The following DNPEP variants were observed in gnomAD, a reference collection of about 807,000 sequenced individuals.
DNPEP encodes the protein aspartyl aminopeptidase.
DNPEP carries 46 observed loss-of-function variants against 59.1 expected under a neutral mutation model. The observed-to-expected ratio is 0.78, with a 90% CI of 0.61 to 0.99. The LOEUF is 0.99. Ranked by LOEUF, DNPEP falls within the 50% of genes least tolerant of loss-of-function variation. DNPEP has a pLI of 0.00. For missense variants in DNPEP, 617 were observed against 649.9 expected, an observed-to-expected ratio of 0.95 and a Z score of 0.55; for synonymous variants, 229 against 242.2, an observed-to-expected ratio of 0.95 and a Z score of 0.50.
rs1953921350 is a variant in DNPEP, at chr2:219,387,877, A to C, written c.-83T>G. The C allele has an allele frequency of 2.7e-5, 39 of 1,418,892 alleles. No individual in the cohort carries two copies. In the South Asian group the frequency reaches 5.3e-4, roughly 19 times the overall value. 87.9% of individuals were successfully genotyped at this position (1,418,892 alleles called of 1,614,324 possible). A position where few individuals can be genotyped will look rare whatever the true frequency, so the allele number is the denominator to read the frequency against. ...TTGCAGGTCCCCCGCGTGCCCCTTC[A>C]GGCCGCGCCGCACTCGTAGGCCTTC... On this transcript the variant is annotated 5_prime_UTR_variant, in exon 1 of 15. An upstream open reading frame in the 5' UTR loses its in-frame stop. Coordinates refer to ENST00000273075, the MANE Select transcript of DNPEP (RefSeq NM_012100.4).
At chr2:219,377,904 C>T (rs6436146) in intron 13 of DNPEP, among the ~76,000 whole-genome samples, 123,849 of 151,434 alleles carry the variant, frequency 0.82, 51,115 homozygotes, top group Non-Finnish European at 0.87. Flanking sequence ...GCCTGGGAGA[C>T]AAAGCAAGAC....
At chr2:219,374,572 ATCTCTTTTT>A (rs1207996194) in intron 14 of DNPEP, among the ~76,000 whole-genome samples, 1 of 152,020 alleles carries the variant, frequency 6.6e-6, no homozygotes, top group African/African-American at 2.4e-5. Context: ...CCGTTGTTTT[ATCTCTTTTT>A]TCTCTTTTGT....
chr2:219,392,056 G>T (rs1954025057), upstream of DNPEP, among the ~76,000 whole-genome samples: 1 of 152,162 alleles, frequency 6.6e-6, no homozygotes, highest in South Asian at 2.1e-4. Context: ...GATAGAAACA[G>T]GTTTGGAAGG....
chr2:219,377,949 AAACC>A (rs927429176), intron 13 of DNPEP, among the ~76,000 whole-genome samples: 4 of 147,480 alleles, frequency 2.7e-5, no homozygotes, highest in African/African-American at 8.1e-5. Flanking sequence ...TTAAAAAAAA[AAACC>A]AAACTCAAAT....
Position 219,387,291 on chromosome 2 carries a change from C to A in DNPEP, c.37-128G>T, listed in dbSNP as rs1189565433. On this transcript the variant is annotated intron_variant, in intron 1 of 14. Coordinates refer to ENST00000273075, the MANE Select transcript of DNPEP (RefSeq NM_012100.4). ...TAAGGCACAGACCTCTGCTTCCGCC[C>A]GTCCCCACCGAGAGACCCAAACCCA... 5 of 1,415,400 alleles carry A rather than the reference C, an allele frequency of 3.5e-6. No homozygotes were observed. The East Asian group carries it at 1.3e-4, about 37-fold the overall frequency. The allele number at this position is 1,415,400 out of a possible 1,614,324, so 87.7% of individuals were successfully genotyped here. A position where few individuals can be genotyped will look rare whatever the true frequency, so the allele number is the denominator to read the frequency against.
chr2:219,389,385 C>A (rs755786315), upstream of DNPEP, among the ~76,000 whole-genome samples: 4 of 151,946 alleles, frequency 2.6e-5, no homozygotes, highest in Non-Finnish European at 4.4e-5. Flanking sequence ...CGTTTATATA[C>A]CTGGGGTGGG....
At position 219,374,399 on chromosome 2, in the gene DNPEP, C is replaced by T. The variant is rs374639846; in HGVS notation, c.1408-57G>A. 93 of 1,488,206 alleles carry T rather than the reference C, an allele frequency of 6.2e-5. No individual in the cohort carries two copies. The African/African-American group carries it at 1.2e-3, about 20-fold the overall frequency. The allele number at this position is 1,488,206 out of a possible 1,614,324, so 92.2% of individuals were successfully genotyped here. A position where few individuals can be genotyped will look rare whatever the true frequency, so the allele number is the denominator to read the frequency against. ...TAGTGAGTGACCAGATGGAGATGTC[C>T]TGCCACCCACCTCCCACCAACATAT... On this transcript the variant is annotated intron_variant, in intron 14 of 14. Coordinates refer to ENST00000273075, the MANE Select transcript of DNPEP (RefSeq NM_012100.4).
At chr2:219,388,693 C>G (rs1307636619), upstream of DNPEP, 1 of 985,748 alleles carries the variant, frequency 1.0e-6, no homozygotes, top group Non-Finnish European at 1.2e-6. Context: ...GCTCGCCCCT[C>G]CAGCTCACCG....
intron 3 of DNPEP, 27 bp downstream of exon 3, chr2:219,386,865 T>C (rs1171623957): frequency 1.2e-6 from 2 of 1,611,834 alleles, no homozygotes; most frequent in Non-Finnish European, 1.7e-6. Flanking sequence ...GGGACCTGCC[T>C]TTCCACCCCC....
At chr2:219,379,164 G>A (rs1453558265) in intron 13 of DNPEP, among the ~76,000 whole-genome samples, 3 of 151,848 alleles carry the variant, frequency 2.0e-5, no homozygotes, top group South Asian at 4.1e-4. Context: ...TGATCCACCC[G>A]CCTCGGCCTC....
rs1329022538 is a variant in DNPEP at position 219,385,479 on chromosome 2, A to T, written c.719T>A (p.Leu240Gln). 3 of 1,608,498 alleles carry T rather than the reference A, an allele frequency of 1.9e-6. No homozygotes were observed. The highest frequency in any genetic ancestry group is 4.5e-5 in the East Asian group (2 of 44,646). The change falls in exon 8 of 15, where the codon CTG (leucine) becomes CAG (glutamine). Residue 240 changes from leucine to glutamine, a missense_variant. Coordinates refer to ENST00000273075, the MANE Select transcript of DNPEP (RefSeq NM_012100.4). ...LMSLLCAHLG[L>Q]SPKDIVEMEL... ...CATCTCCACTATGTCCTTGGGGCTC[A>T]GCCCCAGATGGGCACAGAGCAGGGA...
rs532477853 is a variant in DNPEP, at chr2:219,380,553, A to C, written c.1239+782T>G. Among the ~76,000 whole-genome samples, 3 of 151,968 alleles carry C rather than the reference A, an allele frequency of 2.0e-5. No individual in the cohort carries two copies. In the South Asian group the frequency reaches 6.2e-4, roughly 32 times the overall value. ...ACCTTTTCTATGTTTAGATACACTG[A>C]CCATTTTGTTACAGTTACCTACAGT... On this transcript the variant is annotated intron_variant, in intron 13 of 14. Transcript: ENST00000273075.
At chr2:219,387,992 G>T (rs1953928115), upstream of DNPEP, 6 of 1,127,012 alleles carry the variant, frequency 5.3e-6, no homozygotes, top group Admixed American at 8.4e-5. Context: ...CGCCCACCTC[G>T]GTCAGCCCCG....
rs1559340101 is a variant in DNPEP at position 219,386,383 on chromosome 2, A to C, written c.362T>G (p.Val121Gly). 8.1e-6 allele frequency: 13 copies of C among 1,614,214 alleles called. No individual in the cohort carries two copies. The highest frequency in any genetic ancestry group is 1.1e-5 in the Non-Finnish European group (13 of 1,180,032). The change falls in exon 5 of 15, where the codon GTG becomes GGG. Residue 121 changes from valine (V) to glycine (G), a missense_variant. Physicochemically the swap from Val to Gly is moderately radical, Grantham distance 109. Transcript: ENST00000273075. ...CTCCACACCGACTTGCTGGAAGCCC[A>C]CCTGGCTGCGGCGAGACCGACGTTT... ...RVKRRSRRSQ[V>G]GFQQVGVETY...
chr2:219,385,602 C>G, intron 7 of DNPEP, 29 bp downstream of exon 7: 3 of 1,609,850 alleles, frequency 1.9e-6, no homozygotes, highest in South Asian at 2.2e-5. Context: ...GACTCTGCCG[C>G]CCTCCCCATG....
At chr2:219,375,339 T>G (rs548012662) in intron 13 of DNPEP, among the ~76,000 whole-genome samples, 44 of 152,260 alleles carry the variant, frequency 2.9e-4, no homozygotes, top group South Asian at 1.5e-3. Context: ...GTGGTATCAG[T>G]GTCTTTAAAA....
rs1003805384 is a variant in DNPEP, at chr2:219,373,828, T to G, written c.*464A>C. 10 of 167,382 alleles carry G rather than the reference T, an allele frequency of 6.0e-5. 1 individual carries two copies. Among genetic ancestry groups the G allele is most frequent in the Non-Finnish European group, 1.0e-4 (8 of 77,586 alleles). The allele number at this position is 167,382 out of a possible 1,614,324, so 10.4% of individuals were successfully genotyped here. ...CCTGAGAGGGGATGGGAAGGGATTT[T>G]GGGAGGGTGAGAAACAGCTTTGTCT... On this transcript the variant is annotated 3_prime_UTR_variant, in exon 15 of 15. Transcript: ENST00000273075.
chr2:219,398,357 T>C (rs1012557325), intron 1 of DNPEP, among the ~76,000 whole-genome samples: 2 of 152,184 alleles, frequency 1.3e-5, no homozygotes, highest in African/African-American at 4.8e-5. Flanking sequence ...TGGCAAATAA[T>C]AGTAACTTGG....
In DNPEP at chr2:219,380,013, T is replaced by C. The variant is rs549894602; in HGVS notation, c.1239+1322A>G. Among the ~76,000 whole-genome samples, 9 of 152,282 alleles carry C rather than the reference T, an allele frequency of 5.9e-5. No homozygotes were observed. In the South Asian group the frequency reaches 1.5e-3, roughly 25 times the overall value. The stretch of plus-strand genomic sequence containing the variant: ...AATACAATTTTCAAAATAAATGTAG[T>C]GTAGCCTAAGTGTCCGGCATTGATA... On this transcript the variant is annotated intron_variant, in intron 13 of 14. Transcript: ENST00000273075.
Sources: gnomAD v4.1 joint callset for allele counts (sites outside exome capture counted in the v4.1 genomes callset) on GRCh38, gnomAD v4.1.1 for gene constraint, MANE v1.5 for transcripts, NCBI Gene and HGNC (gene_info 2026-07-23, HGNC 2026-07-21) for gene names.